The following ALMS1 variants were observed in gnomAD, a reference collection of about 807,000 sequenced individuals.
ALMS1 encodes centrosome-associated protein ALMS1.
ALMS1 carries 271 observed loss-of-function variants against 352.2 expected under a neutral mutation model. That is an observed-to-expected ratio of 0.77 (90% confidence interval 0.70 to 0.85). The LOEUF is 0.85. Among genes scored for constraint, ALMS1 ranks in the 40% least tolerant of loss-of-function variants. The pLI is 0.00. For missense variants in ALMS1, 5,445 were observed against 4,870.7 expected, an observed-to-expected ratio of 1.12 and a Z score of -3.51; for synonymous variants, 1,865 against 1,761.2, an observed-to-expected ratio of 1.06 and a Z score of -1.48.
At chr2:73,398,307 A>G (rs375647935) in intron 1 of ALMS1, among the ~76,000 whole-genome samples, 2 of 152,190 alleles carry the variant, frequency 1.3e-5, no homozygotes, top group South Asian at 2.1e-4. Flanking sequence ...ATATGGGTCT[A>G]TTTCTGGGCC....
intron 13 of ALMS1, among the ~76,000 whole-genome samples, chr2:73,552,858 A>G (rs1434884100): frequency 1.3e-5 from 2 of 151,150 alleles, no homozygotes; most frequent in Admixed American, 6.6e-5. Context: ...GGGGTGGAAT[A>G]TAAAAGTGAG....
chr2:73,422,253 A>T (rs1238383105), intron 3 of ALMS1, among the ~76,000 whole-genome samples: 1 of 152,142 alleles, frequency 6.6e-6, no homozygotes, highest in East Asian at 1.9e-4. Context: ...CTGTTTCTGT[A>T]TTCAATCTGT....
chr2:73,598,511 T>TA (rs1334012171), intron 16 of ALMS1, among the ~76,000 whole-genome samples: 1 of 152,220 alleles, frequency 6.6e-6, no homozygotes, highest in African/African-American at 2.4e-5. Flanking sequence ...AAAATTCTGT[T>TA]ACAAGTTTCT....
intron 16 of ALMS1, among the ~76,000 whole-genome samples, chr2:73,583,040 G>GTT (rs57476150): frequency 3.4e-4 from 50 of 145,414 alleles, no homozygotes; most frequent in African/African-American, 6.2e-4. Context: ...ACCAACACTT[G>GTT]TTTTTTTTTT....
At chr2:73,505,364 C>T (rs1406768714) in intron 10 of ALMS1, among the ~76,000 whole-genome samples, 1 of 152,180 alleles carries the variant, frequency 6.6e-6, no homozygotes, top group Non-Finnish European at 1.5e-5. Context: ...CTTGTTTCTC[C>T]ACATCCTCTC....
At chr2:73,584,773 C>T (rs1675270785) in intron 16 of ALMS1, among the ~76,000 whole-genome samples, 1 of 152,036 alleles carries the variant, frequency 6.6e-6, no homozygotes. Flanking sequence ...TCTTTTATTC[C>T]TCACCCCGCT....
At chr2:73,426,394 G>T in intron 5 of ALMS1, 59 bp from the exon 6 acceptor site, 2 of 1,555,012 alleles carry the variant, frequency 1.3e-6, no homozygotes, top group South Asian at 2.2e-5. Context: ...CTTCGTGTGT[G>T]GGAGCTGAGC....
intron 16 of ALMS1, among the ~76,000 whole-genome samples, chr2:73,586,461 A>G (rs1325867905): frequency 6.6e-6 from 1 of 152,090 alleles, no homozygotes; most frequent in Admixed American, 6.5e-5. Context: ...ATTCTCCTAT[A>G]TGTGGCTTGC....
chr2:73,494,231 T>TTC (rs1211207061), intron 10 of ALMS1, among the ~76,000 whole-genome samples: 1 of 152,190 alleles, frequency 6.6e-6, no homozygotes, highest in African/African-American at 2.4e-5. Flanking sequence ...CTCTGCCACA[T>TTC]TCTCTTCAGT....
intron 12 of ALMS1, among the ~76,000 whole-genome samples, chr2:73,546,742 G>C (rs62153184): frequency 0.48 from 73,131 of 152,062 alleles, 20,094 homozygotes; most frequent in African/African-American, 0.77. Context: ...CGAGAGGGAA[G>C]AAGATGGGGA....
chr2:73,428,235 G>T (rs554802606), intron 6 of ALMS1, among the ~76,000 whole-genome samples: 1 of 152,108 alleles, frequency 6.6e-6, no homozygotes, highest in South Asian at 2.1e-4. Flanking sequence ...AATTGTTAGA[G>T]ATTATTATCA....
intron 1 of ALMS1, among the ~76,000 whole-genome samples, chr2:73,402,714 C>G (rs1670897750): frequency 1.3e-5 from 2 of 152,134 alleles, no homozygotes; most frequent in African/African-American, 4.8e-5. Context: ...TAAATAATAG[C>G]CATCCTAACA....
At chr2:73,532,483 A>G (rs1313986453) in intron 11 of ALMS1, among the ~76,000 whole-genome samples, 1 of 152,178 alleles carries the variant, frequency 6.6e-6, no homozygotes, top group Non-Finnish European at 1.5e-5. Flanking sequence ...TTCCACAAAC[A>G]GAGGAGTCAC....
At chr2:73,431,196 A>G (rs1671492899) in intron 6 of ALMS1, among the ~76,000 whole-genome samples, 2 of 152,182 alleles carry the variant, frequency 1.3e-5, no homozygotes, top group African/African-American at 4.8e-5. Context: ...GGCATTGTCA[A>G]ATGTCCCTTG....
intron 21 of ALMS1, among the ~76,000 whole-genome samples, chr2:73,607,558 C>T (rs1006507423): frequency 6.6e-6 from 1 of 152,066 alleles, no homozygotes. Flanking sequence ...TCCATTTTTA[C>T]CAACACTCAT....
intron 7 of ALMS1, 78 bp downstream of exon 7, chr2:73,432,369 T>C: frequency 2.0e-6 from 2 of 993,590 alleles, no homozygotes; most frequent in East Asian, 5.3e-5. Context: ...TCTATCTAAT[T>C]TTGTATTTTT....
chr2:73,481,925 T>C (rs936320273), intron 9 of ALMS1, among the ~76,000 whole-genome samples: 2 of 151,894 alleles, frequency 1.3e-5, no homozygotes, highest in Non-Finnish European at 2.9e-5. Context: ...GTACATTGAT[T>C]TTGTATCCTG....
intron 16 of ALMS1, among the ~76,000 whole-genome samples, chr2:73,578,696 C>G (rs778717522): frequency 6.6e-6 from 1 of 152,114 alleles, no homozygotes; most frequent in South Asian, 2.1e-4. Context: ...TGTGGGTAGA[C>G]ATCTCCATCC....
intron 9 of ALMS1, among the ~76,000 whole-genome samples, chr2:73,484,292 T>C (rs2103874262): frequency 6.6e-6 from 1 of 151,798 alleles, no homozygotes; most frequent in East Asian, 1.9e-4. Context: ...CTCTCAGCAT[T>C]TGCTTGTCTG....
Sources: allele counts gnomAD v4.1 joint callset (sites outside exome capture counted in the v4.1 genomes callset), GRCh38; gene constraint gnomAD v4.1.1; transcripts MANE v1.5; gene names NCBI Gene and HGNC (gene_info 2026-07-23, HGNC 2026-07-21).